Variants in TPCN2 observed in about 807,000 individuals in gnomAD.
The protein encoded by TPCN2 is two pore segment channel 2, also known as two pore channel protein 2.
In TPCN2, 92 loss-of-function variants were observed where a neutral mutation model predicts 111.4. The ratio of observed to expected loss-of-function variants is 0.83; its 90% confidence interval spans 0.70 to 0.98. The LOEUF is 0.98. TPCN2 is among the 50% of genes least tolerant of loss of function. The probability of loss-of-function intolerance (pLI) is 0.00; values close to 1 mark genes in which losing one functional copy is unlikely to be tolerated. For missense variants in TPCN2, 995 were observed against 980.1 expected, an observed-to-expected ratio of 1.02 and a Z score of -0.20; for synonymous variants, 405 against 414.5, an observed-to-expected ratio of 0.98 and a Z score of 0.28.
At chr11:69,084,946 C>T (rs1217706191) in intron 19 of TPCN2, 3 of 420,080 alleles carry the variant, frequency 7.1e-6, no homozygotes, top group Non-Finnish European at 9.6e-6. Flanking sequence ...ACTGTGGCTG[C>T]CAGGGTACCT....
chr11:69,067,454 G>T, intron 7 of TPCN2, 49 bp from the exon 8 acceptor site: 1 of 1,551,686 alleles, frequency 6.4e-7, no homozygotes, highest in Admixed American at 1.7e-5. Context: ...AGCTCAGCCT[G>T]TGGGGTGGGG....
chr11:69,087,462 T>G (rs935593693), intron 24 of TPCN2, among the ~76,000 whole-genome samples: 2 of 152,200 alleles, frequency 1.3e-5, no homozygotes, highest in African/African-American at 4.8e-5. Flanking sequence ...GCACCATCCT[T>G]CAGGGTCCAT....
intron 13 of TPCN2, among the ~76,000 whole-genome samples, chr11:69,076,416 T>A (rs1236394466): frequency 6.6e-6 from 1 of 152,076 alleles, no homozygotes; most frequent in Non-Finnish European, 1.5e-5. Context: ...CTGGGAAATT[T>A]TCAGGAGGTC....
chr11:69,070,225 A>C (rs1015790156), intron 8 of TPCN2, among the ~76,000 whole-genome samples: 1 of 151,856 alleles, frequency 6.6e-6, no homozygotes, highest in Non-Finnish European at 1.5e-5. Flanking sequence ...GAGTTTTACT[A>C]TGTTGGCCAG....
rs371106478 is a variant in TPCN2, at chr11:69,050,306, A to T, written c.109+1200A>T. ...ATATGGCACCGTTCAGGGAACACAG[A>T]CTTTGTGTCTAGGGGTCTGGGCGCC... On this transcript the variant is annotated intron_variant, in intron 1 of 24. Coordinates refer to ENST00000294309, the MANE Select transcript of TPCN2 (RefSeq NM_139075.4). 1.1e-4 allele frequency among the ~76,000 whole-genome samples: 17 copies of T among 152,278 alleles called. No homozygotes were observed. In the East Asian group the frequency reaches 1.4e-3, roughly 12 times the overall value.
At position 69,062,920 on chromosome 11, in the gene TPCN2, CT is replaced by C; in HGVS notation, c.584del (p.Leu195ArgfsTer7). 6.2e-7 allele frequency: 1 copy of C among 1,614,042 alleles called. No homozygotes were observed. Among genetic ancestry groups the C allele is most frequent in the Non-Finnish European group, 8.5e-7 (1 of 1,179,924 alleles). ...CCGCCGGCTTCTCCGTCCCTTCTTC[CT>C]GCTGCAGAACTCCTCTATGATGAAG... ...RIRRLLRPFF[L>X]LQNSSMMKKT... is the part of the protein sequence containing the mutation. On this transcript the variant is annotated frameshift_variant, in exon 6 of 25. Coordinates refer to ENST00000294309, the MANE Select transcript of TPCN2 (RefSeq NM_139075.4). LOFTEE classifies it high-confidence loss of function.
intron 8 of TPCN2, among the ~76,000 whole-genome samples, 170 bp from the exon 9 acceptor site, chr11:69,070,260 A>G (rs559385749): frequency 1.3e-5 from 2 of 152,164 alleles, no homozygotes; most frequent in African/African-American, 2.4e-5. Context: ...TCCTGACCTC[A>G]AGTGATCCAC....
chr11:69,063,248 T>C (rs1018523167), intron 6 of TPCN2, among the ~76,000 whole-genome samples: 2 of 151,692 alleles, frequency 1.3e-5, no homozygotes, highest in Non-Finnish European at 2.9e-5. Context: ...CGAAGGCTGC[T>C]GAGTCCCATG....
chr11:69,074,143 C>T (rs1855653230), intron 13 of TPCN2, among the ~76,000 whole-genome samples: 1 of 152,222 alleles, frequency 6.6e-6, no homozygotes, highest in East Asian at 1.9e-4. Context: ...TCCTTGTCGG[C>T]CCCTGTGGCT....
At position 69,072,899 on chromosome 11, in the gene TPCN2, G is replaced by GCT. The variant is rs1565089305; in HGVS notation, c.1144-14_1144-13dup. On this transcript the variant is annotated splice_polypyrimidine_tract_variant and intron_variant, in intron 12 of 24. Coordinates refer to ENST00000294309, the MANE Select transcript of TPCN2 (RefSeq NM_139075.4). The stretch of plus-strand genomic sequence containing the variant: ...TTCCCGTGCGCCCCTGCTGACCTGT[G>GCT]CTCCTTCCTGTGCAGAAGGTGCGTT... 6.2e-7 allele frequency: 1 copy of GCT among 1,606,060 alleles called. No homozygotes were observed. Among genetic ancestry groups the GCT allele is most frequent in the Admixed American group, 1.7e-5 (1 of 60,006 alleles).
At chr11:69,060,824 C>T (rs1854987643) in intron 5 of TPCN2, among the ~76,000 whole-genome samples, 1 of 152,186 alleles carries the variant, frequency 6.6e-6, no homozygotes, top group Non-Finnish European at 1.5e-5. Context: ...TGTTATCAGG[C>T]CCTAAGACCA....
At chr11:69,055,960 T>C (rs1217413322) in intron 4 of TPCN2, among the ~76,000 whole-genome samples, 1 of 152,232 alleles carries the variant, frequency 6.6e-6, no homozygotes, top group East Asian at 1.9e-4. Context: ...GCTGCATGTT[T>C]GACTCTGGGT....
chr11:69,079,332 T>G, intron 16 of TPCN2: 1 of 413,290 alleles, frequency 2.4e-6, no homozygotes, highest in East Asian at 4.3e-5. Flanking sequence ...AACAGCCTCT[T>G]AAACGTCACT....
chr11:69,074,499 G>T (rs1326341659), intron 13 of TPCN2, among the ~76,000 whole-genome samples: 1 of 152,176 alleles, frequency 6.6e-6, no homozygotes, highest in Non-Finnish European at 1.5e-5. Context: ...CTGTGGAGAT[G>T]GTCCTCAGAT....
chr11:69,081,319 C>T, intron 17 of TPCN2, 81 bp from the exon 18 acceptor site: 6 of 953,924 alleles, frequency 6.3e-6, no homozygotes, highest in Non-Finnish European at 9.5e-6. Context: ...GCGCCTCCGT[C>T]CAGGAACCCG....
intron 13 of TPCN2, among the ~76,000 whole-genome samples, chr11:69,076,962 A>T (rs867742028): frequency 4.3e-5 from 2 of 46,440 alleles, no homozygotes; most frequent in Non-Finnish European, 7.9e-5. Context: ...GTGTCCCTCC[A>T]CCTGCCCTCC....
intron 19 of TPCN2, chr11:69,084,801 C>T (rs1236737358): frequency 3.0e-6 from 3 of 985,258 alleles, no homozygotes; most frequent in Non-Finnish European, 3.6e-6. Flanking sequence ...GTGCTGTCTG[C>T]CCAGCCCCCT....
chr11:69,083,669 G>A (rs1383485506), intron 18 of TPCN2, among the ~76,000 whole-genome samples: 1 of 152,188 alleles, frequency 6.6e-6, no homozygotes, highest in Non-Finnish European at 1.5e-5. Flanking sequence ...GTGAGTGAGT[G>A]CGTGCGGGTG....
At position 69,083,969 on chromosome 11, in the gene TPCN2, G is replaced by A. The variant is rs140550021; in HGVS notation, c.1714G>A (p.Val572Ile). 2.1e-5 allele frequency: 34 copies of A among 1,614,152 alleles called. No individual in the cohort carries two copies. The highest frequency in any genetic ancestry group is 4.0e-5 in the African/African-American group (3 of 75,044). The change falls in exon 19 of 25, where the codon GTC becomes ATC. Residue 572 changes from valine to isoleucine, a missense_variant. By Grantham distance (29) the Val-to-Ile change is conservative (BLOSUM62 3). Transcript: ENST00000294309. ...GCTGATGGCCGTGGTGGCCAGTACC[G>A]TCCTGGGCCTGGTGCAGAACATGCG... ...MKLMAVVASTVLGLVQNMRAF... is the reference protein window; with the variant it reads ...MKLMAVVASTILGLVQNMRAF...
Sources: gnomAD v4.1 joint callset for allele counts (sites outside exome capture counted in the v4.1 genomes callset) on GRCh38, gnomAD v4.1.1 for gene constraint, MANE v1.5 for transcripts, NCBI Gene and HGNC (gene_info 2026-07-23, HGNC 2026-07-21) for gene names.